Variants in PCSK6 observed in about 807,000 individuals in gnomAD.
PCSK6 encodes the protein proprotein convertase subtilisin/kexin type 6.
In PCSK6, 85 loss-of-function variants were observed where a neutral mutation model predicts 123.3. That is an observed-to-expected ratio of 0.69 (90% CI 0.58 to 0.83). The LOEUF (loss-of-function observed/expected upper bound fraction) is 0.83, where lower values mean the gene tolerates loss of function less well. PCSK6 is among the 40% of genes least tolerant of loss of function. The pLI is 0.00. For synonymous variants in PCSK6, 508 were observed against 516.0 expected (o/e 0.98, Z 0.21); for missense variants, 1,191 against 1,282.3 (o/e 0.93, Z 1.09).
At chr15:101,358,138 G>A (rs552304398) in intron 13 of PCSK6, among the ~76,000 whole-genome samples, 23 of 152,242 alleles carry the variant, frequency 1.5e-4, no homozygotes, top group Admixed American at 4.6e-4. Flanking sequence ...GTCCCTCCCA[G>A]GGCCTGGGGA....
At chr15:101,451,385 G>A (rs2057030525) in intron 1 of PCSK6, among the ~76,000 whole-genome samples, 2 of 152,094 alleles carry the variant, frequency 1.3e-5, no homozygotes, top group Admixed American at 6.5e-5. Flanking sequence ...CGTTGTTGGT[G>A]GGGGTGGGTC....
chr15:101,451,949 GAA>G (rs1491545637), intron 1 of PCSK6, among the ~76,000 whole-genome samples: 2 of 151,842 alleles, frequency 1.3e-5, no homozygotes, highest in Non-Finnish European at 1.5e-5. Context: ...AGGAAGTCCA[GAA>G]AGAGAGAGAG....
chr15:101,403,656 C>A (rs952672226), intron 6 of PCSK6, among the ~76,000 whole-genome samples: 1 of 152,182 alleles, frequency 6.6e-6, no homozygotes, highest in Non-Finnish European at 1.5e-5. Flanking sequence ...CCCTGTCACC[C>A]CCAGCTTCTC....
At chr15:101,431,568 A>C (rs1421693687) in intron 3 of PCSK6, 105 bp from the exon 4 acceptor site, 90 of 1,384,558 alleles carry the variant, frequency 6.5e-5, no homozygotes, top group Non-Finnish European at 8.3e-5. Flanking sequence ...TGCAAGTAAA[A>C]AAGGAGGGAA....
rs2040041593 is a variant in PCSK6, at chr15:101,318,383, G to A, written c.2505C>T (p.Gly835=). 6.4e-7 allele frequency: 1 copy of A among 1,564,864 alleles called. No individual in the cohort carries two copies. Among genetic ancestry groups the A allele is most frequent in the Non-Finnish European group, 8.7e-7 (1 of 1,154,716 alleles). Residue 835 remains glycine, a synonymous_variant, in exon 19 of 22, where the codon GGC becomes GGT. Coordinates refer to ENST00000611716, the MANE Select transcript of PCSK6 (RefSeq NM_002570.5). Reference sequence around the variant, plus strand: ...TGATCAGCTCTGAGTCAAAGTAGGTGCCTGGCTCACAGTCAGGAATGCAGC... The same window carrying A: ...TGATCAGCTCTGAGTCAAAGTAGGTACCTGGCTCACAGTCAGGAATGCAGC... ...RGSCIPDCEP[G]TYFDSELIRC...
In PCSK6 at chr15:101,428,378, G is replaced by T. The variant is rs149223477; in HGVS notation, c.735-398C>A. On this transcript the variant is annotated intron_variant, in intron 5 of 21. Coordinates refer to ENST00000611716, the MANE Select transcript of PCSK6 (RefSeq NM_002570.5). ...CTCGGCCTCGTGTCTCCTGTGGCTG[G>T]CAGCAGGGACACCTGCTGCCTGGCA... Among the ~76,000 whole-genome samples, 483 of 152,278 alleles carry T rather than the reference G, an allele frequency of 3.2e-3. 3 individuals are homozygous for T. Among genetic ancestry groups the T allele is most frequent in the African/African-American group, 0.01 (433 of 41,562 alleles).
intron 13 of PCSK6, among the ~76,000 whole-genome samples, chr15:101,365,519 A>G (rs750047366): frequency 2.0e-5 from 3 of 152,222 alleles, no homozygotes; most frequent in Non-Finnish European, 2.9e-5. Flanking sequence ...AACGTTCAAC[A>G]TAGAGTTACC....
At chr15:101,431,968 A>C in intron 3 of PCSK6, 22 bp downstream of exon 3, 2 of 1,554,824 alleles carry the variant, frequency 1.3e-6, no homozygotes, top group Non-Finnish European at 1.8e-6. Context: ...CCTGGGGCAG[A>C]CAGAGGTCCT....
intron 1 of PCSK6, among the ~76,000 whole-genome samples, chr15:101,470,852 G>A (rs921853668): frequency 3.3e-5 from 5 of 152,224 alleles, no homozygotes; most frequent in African/African-American, 1.2e-4. Flanking sequence ...GGGAATGGCT[G>A]TGGTGCTGCC....
chr15:101,356,961 T>C (rs1241688365), intron 13 of PCSK6, among the ~76,000 whole-genome samples: 1 of 152,006 alleles, frequency 6.6e-6, no homozygotes, highest in Non-Finnish European at 1.5e-5. Context: ...TGACAGGAGG[T>C]ATTATTGGAG....
chr15:101,352,070 A>G (rs747028529), intron 13 of PCSK6, among the ~76,000 whole-genome samples: 4 of 151,922 alleles, frequency 2.6e-5, no homozygotes, highest in Non-Finnish European at 4.4e-5. Flanking sequence ...CATGGGCTAG[A>G]CAGAAGTGAA....
intron 20 of PCSK6, chr15:101,309,163 A>G: frequency 6.5e-6 from 1 of 152,960 alleles, no homozygotes; most frequent in Non-Finnish European, 1.5e-5. Context: ...AAGTCCAGGC[A>G]GGTGCAGCTG....
At chr15:101,315,244 T>C (rs1485092006) in intron 19 of PCSK6, among the ~76,000 whole-genome samples, 7 of 152,246 alleles carry the variant, frequency 4.6e-5, no homozygotes, top group Admixed American at 2.6e-4. Context: ...CCGAACTGTA[T>C]GCCTAAAAAT....
chr15:101,411,931 G>A (rs1207083547), intron 6 of PCSK6, among the ~76,000 whole-genome samples: 2 of 152,174 alleles, frequency 1.3e-5, no homozygotes, highest in Non-Finnish European at 2.9e-5. Flanking sequence ...CAGTAACAAC[G>A]TGTCCCCTCC....
At chr15:101,382,727 C>T (rs979630360) in intron 10 of PCSK6, among the ~76,000 whole-genome samples, 4 of 151,736 alleles carry the variant, frequency 2.6e-5, no homozygotes, top group African/African-American at 7.2e-5. Context: ...GACAGGCTTG[C>T]GAACTGGCCC....
chr15:101,318,765 G>A (rs548730347), intron 18 of PCSK6, among the ~76,000 whole-genome samples: 10 of 152,360 alleles, frequency 6.6e-5, no homozygotes, highest in East Asian at 3.9e-4. Context: ...CTGGTGGCAC[G>A]CTAGCTCAGT....
intron 5 of PCSK6, among the ~76,000 whole-genome samples, chr15:101,428,652 C>T (rs578123606): frequency 1.2e-4 from 19 of 152,316 alleles, no homozygotes; most frequent in Admixed American, 6.5e-4. Flanking sequence ...GTTCCTCCAG[C>T]GGGGGCCAAA....
chr15:101,411,061 A>G (rs938842988), intron 6 of PCSK6, among the ~76,000 whole-genome samples: 2 of 152,204 alleles, frequency 1.3e-5, no homozygotes, highest in East Asian at 3.9e-4. Context: ...AAAACTTAGA[A>G]CGAACAAATC....
intron 4 of PCSK6, among the ~76,000 whole-genome samples, chr15:101,430,843 G>A (rs1396844309): frequency 2.0e-5 from 3 of 152,228 alleles, no homozygotes; most frequent in African/African-American, 7.2e-5. Flanking sequence ...CTCCGTGAGA[G>A]AGTCGTTCTC....
Sources: gnomAD v4.1 joint callset for allele counts (sites outside exome capture counted in the v4.1 genomes callset) on GRCh38, gnomAD v4.1.1 for gene constraint, MANE v1.5 for transcripts, NCBI Gene and HGNC (gene_info 2026-07-23, HGNC 2026-07-21) for gene names.